Variants in EGLN3 observed in about 807,000 individuals in gnomAD.
EGLN3 encodes the protein egl-9 family hypoxia inducible factor 3.
EGLN3 carries 15 observed loss-of-function variants against 26.0 expected under a neutral mutation model. The observed-to-expected ratio is 0.58, with a 90% CI of 0.39 to 0.89. The LOEUF (loss-of-function observed/expected upper bound fraction) is 0.89. Among genes scored for constraint, EGLN3 ranks in the 40% least tolerant of loss-of-function variants. The pLI, the probability that EGLN3 is intolerant of heterozygous loss-of-function variation, is 0.00. For synonymous variants in EGLN3, 147 were observed against 127.2 expected (o/e 1.16, Z -1.05); for missense variants, 238 against 311.6 (o/e 0.76, Z 1.78).
intron 1 of EGLN3, among the ~76,000 whole-genome samples, chr14:33,932,070 T>C (rs1174570730): frequency 6.6e-6 from 1 of 152,228 alleles, no homozygotes; most frequent in East Asian, 1.9e-4. Flanking sequence ...AGAAAGCCAG[T>C]TCTTTTCTTC....
At chr14:33,941,558 C>A (rs541125601) in intron 1 of EGLN3, among the ~76,000 whole-genome samples, 2 of 144,220 alleles carry the variant, frequency 1.4e-5, no homozygotes, top group Admixed American at 7.1e-5. Flanking sequence ...TCTATCCCCC[C>A]CAAAAAAAAT....
intron 4 of EGLN3, 132 bp downstream of exon 4, chr14:33,926,828 C>A: frequency 1.8e-6 from 1 of 555,774 alleles, no homozygotes; most frequent in Non-Finnish European, 2.9e-6. Flanking sequence ...CAGGATAAAA[C>A]CCATCAAGAT....
chr14:33,929,726 C>T (rs1291833074), intron 2 of EGLN3, among the ~76,000 whole-genome samples: 3 of 152,152 alleles, frequency 2.0e-5, no homozygotes, highest in African/African-American at 7.2e-5. Context: ...AAAGCACTCC[C>T]ACCCCCCACA....
intron 1 of EGLN3, chr14:33,948,846 T>C (rs568326276): frequency 6.6e-6 from 1 of 152,264 alleles, no homozygotes; most frequent in African/African-American, 2.4e-5. Flanking sequence ...AGCCGTCTGC[T>C]CTTCCAGGTA....
chr14:33,950,289 T>TA (rs2064548340), intron 1 of EGLN3, 107 bp downstream of exon 1: 1 of 1,117,396 alleles, frequency 8.9e-7, no homozygotes, highest in Non-Finnish European at 1.4e-6. Flanking sequence ...ACTTCTTGGT[T>TA]AAAAAACAAA....
In EGLN3 at chr14:33,925,746, C is replaced by T. The variant is rs746274526; in HGVS notation, c.*145G>A. The T allele has an allele frequency of 1.2e-4, 104 of 871,468 alleles. No homozygotes were observed. Among genetic ancestry groups the T allele is most frequent in the Non-Finnish European group, 1.7e-4 (96 of 549,826 alleles). 54.0% of individuals were successfully genotyped at this position (871,468 alleles called of 1,614,324 possible). A position where few individuals can be genotyped will look rare whatever the true frequency, so the allele number is the denominator to read the frequency against. On this transcript the variant is annotated 3_prime_UTR_variant, in exon 5 of 5. Coordinates refer to ENST00000250457, the MANE Select transcript of EGLN3 (RefSeq NM_022073.4). ...GTCTTGGCAAGAAAACATGAAGTACCACACACAAGACAGGGATGTGAAGGA... is the reference window on the plus strand; with the variant it reads ...GTCTTGGCAAGAAAACATGAAGTACTACACACAAGACAGGGATGTGAAGGA...
intron 1 of EGLN3, among the ~76,000 whole-genome samples, chr14:33,935,612 CACACACACAT>C (rs764346946): frequency 0.012 from 1,722 of 142,204 alleles, 27 homozygotes; most frequent in East Asian, 0.056. Flanking sequence ...CACACACACA[CACACACACAT>C]ATATATATAT....
At chr14:33,939,997 T>C (rs2064471416) in intron 1 of EGLN3, among the ~76,000 whole-genome samples, 1 of 152,224 alleles carries the variant, frequency 6.6e-6, no homozygotes, top group African/African-American at 2.4e-5. Flanking sequence ...TCCAGAGTGA[T>C]AGAAAAATCA....
chr14:33,940,074 A>G (rs886085804), intron 1 of EGLN3, among the ~76,000 whole-genome samples: 2 of 152,218 alleles, frequency 1.3e-5, no homozygotes, highest in African/African-American at 4.8e-5. Flanking sequence ...GTAAACTCAA[A>G]GATCCAAAGG....
Position 33,929,877 on chromosome 14 carries a change from A to G in EGLN3, c.478-665T>C, listed in dbSNP as rs73246226. 9.1e-3 allele frequency among the ~76,000 whole-genome samples: 1,383 copies of G among 152,272 alleles called. 25 individuals carry two copies. Among genetic ancestry groups the G allele is most frequent in the African/African-American group, 0.032 (1,331 of 41,544 alleles). On this transcript the variant is annotated intron_variant, in intron 2 of 4. Transcript: ENST00000250457. ...TCTAACCATTAACAACTTTCTAAGA[A>G]AATCATCACATGTAACTTCCCCTTC...
chr14:33,927,030 A>C lies in EGLN3; in HGVS notation c.618T>G (p.Tyr206Ter). 1 of 1,595,348 alleles carries C rather than the reference A, an allele frequency of 6.3e-7. No homozygotes were observed. Among genetic ancestry groups the C allele is most frequent in the Non-Finnish European group, 8.5e-7 (1 of 1,171,040 alleles). ...HEVQPSYATR[Y>*]AMTVWYFDAE... Reference sequence around the variant, plus strand: ...CATCAAAGTACCAGACAGTCATAGCATATCTGTGAAAGATAAGCAGATATA... The same window carrying C: ...CATCAAAGTACCAGACAGTCATAGCCTATCTGTGAAAGATAAGCAGATATA... Residue 206 changes from tyrosine (Y) to a stop codon, truncating the protein, a stop_gained, in exon 4 of 5, where the codon TAT (tyrosine) becomes TAG (stop). Transcript: ENST00000250457. LOFTEE classifies it high-confidence loss of function.
Position 33,950,950 on chromosome 14 carries a change from A to G in EGLN3, c.-198T>C. On this transcript the variant is annotated 5_prime_UTR_variant, in exon 1 of 5. Coordinates refer to ENST00000250457, the MANE Select transcript of EGLN3 (RefSeq NM_022073.4). ...TCGGGAGAAGGGATCTGCCTTCGGG[A>G]ACCAGCGGGAGTGGTGCGGAGCTCC... 2 of 608,438 alleles carry G rather than the reference A, an allele frequency of 3.3e-6. No homozygotes were observed. The highest frequency in any genetic ancestry group is 2.9e-6 in the Non-Finnish European group (1 of 345,286). The allele number at this position is 608,438 out of a possible 1,614,324, so 37.7% of individuals were successfully genotyped here. A position where few individuals can be genotyped will look rare whatever the true frequency, so the allele number is the denominator to read the frequency against.
At chr14:33,943,997 T>C (rs1006865419) in intron 1 of EGLN3, among the ~76,000 whole-genome samples, 1 of 152,192 alleles carries the variant, frequency 6.6e-6, no homozygotes, top group Non-Finnish European at 1.5e-5. Flanking sequence ...GTTTATCAAT[T>C]TTCAGTCAGA....
At chr14:33,928,396 T>C (rs1358217458) in intron 3 of EGLN3, among the ~76,000 whole-genome samples, 5 of 152,204 alleles carry the variant, frequency 3.3e-5, no homozygotes, top group Non-Finnish European at 7.3e-5. Context: ...CTGCCCGGCT[T>C]ATTGCTTTAG....
At chr14:33,935,369 G>C (rs1057221370) in intron 1 of EGLN3, among the ~76,000 whole-genome samples, 13 of 152,116 alleles carry the variant, frequency 8.5e-5, no homozygotes, top group Non-Finnish European at 1.8e-4. Context: ...AACTAAAATA[G>C]CTTTCGATGT....
At chr14:33,930,956 G>A (rs181118987) in intron 2 of EGLN3, 140 bp downstream of exon 2, 612 of 1,271,478 alleles carry the variant, frequency 4.8e-4, no homozygotes, top group East Asian at 8.4e-4. Flanking sequence ...TGTCGCAGGA[G>A]GTTATGAAAT....
At chr14:33,934,992 T>C (rs1411151187) in intron 1 of EGLN3, among the ~76,000 whole-genome samples, 1 of 152,240 alleles carries the variant, frequency 6.6e-6, no homozygotes, top group Non-Finnish European at 1.5e-5. Context: ...CGACAAATGC[T>C]AGATCCCCTC....
intron 1 of EGLN3, among the ~76,000 whole-genome samples, chr14:33,940,626 C>T (rs1482659562): frequency 2.0e-5 from 3 of 151,976 alleles, no homozygotes; most frequent in Non-Finnish European, 4.4e-5. Flanking sequence ...TGCATGTTTC[C>T]AGATAATGGT....
At chr14:33,937,926 C>A (rs758931271) in intron 1 of EGLN3, among the ~76,000 whole-genome samples, 3 of 152,206 alleles carry the variant, frequency 2.0e-5, no homozygotes, top group Non-Finnish European at 4.4e-5. Context: ...GGTGAGAGCA[C>A]CGTGCCTGAA....
Sources: allele counts gnomAD v4.1 joint callset (sites outside exome capture counted in the v4.1 genomes callset), GRCh38; gene constraint gnomAD v4.1.1; transcripts MANE v1.5; gene names NCBI Gene and HGNC (gene_info 2026-07-23, HGNC 2026-07-21).